MYCBP2: variants seen among roughly 807,000 people sequenced by gnomAD.
MYCBP2 encodes MYC binding protein 2.
MYCBP2 carries 120 observed loss-of-function variants against 525.3 expected under a neutral mutation model. The ratio of observed to expected loss-of-function variants is 0.23; its 90% CI spans 0.20 to 0.27. MYCBP2 has a LOEUF of 0.27. MYCBP2 is among the 10% of genes least tolerant of loss of function. The pLI is 1.00. For missense variants in MYCBP2, 4,149 were observed against 5,657.1 expected (o/e 0.73, Z 8.55); for synonymous variants, 1,894 against 1,955.8 (o/e 0.97, Z 0.83).
intron 49 of MYCBP2, 50 bp downstream of exon 49, chr13:77,144,395 G>T: frequency 1.6e-6 from 2 of 1,259,926 alleles, no homozygotes; most frequent in Admixed American, 1.8e-5. Context: ...AAATAATTTT[G>T]ACTCTAGTTA....
At chr13:77,117,308 A>G (rs1222803243) in intron 55 of MYCBP2, among the ~76,000 whole-genome samples, 1 of 152,054 alleles carries the variant, frequency 6.6e-6, no homozygotes, top group African/African-American at 2.4e-5. Flanking sequence ...GATAGTACTT[A>G]TATTTCCAAA....
chr13:77,242,917 TTA>T, intron 17 of MYCBP2, 140 bp downstream of exon 17: 1 of 655,684 alleles, frequency 1.5e-6, no homozygotes, highest in South Asian at 2.0e-5. Context: ...TATTTTCCCA[TTA>T]TATGAGTTAT....
intron 46 of MYCBP2, among the ~76,000 whole-genome samples, chr13:77,152,219 T>C (rs895021142): frequency 1.2e-4 from 18 of 152,202 alleles, no homozygotes; most frequent in Non-Finnish European, 2.5e-4. Flanking sequence ...ACCACTATCT[T>C]CAGGTGAGGT....
At chr13:77,099,234 G>A (rs750680912) in intron 55 of MYCBP2, 9 of 597,028 alleles carry the variant, frequency 1.5e-5, no homozygotes, top group South Asian at 4.4e-5. Flanking sequence ...TTTCATGGAC[G>A]CAAAACAACA....
intron 28 of MYCBP2, 133 bp downstream of exon 28, chr13:77,191,546 A>G (rs998565656): frequency 3.8e-5 from 40 of 1,049,430 alleles, no homozygotes; most frequent in Non-Finnish European, 5.2e-5. Context: ...ACATGAATTT[A>G]ATTTTTAGCA....
chr13:77,057,078 T>G lies in MYCBP2; in HGVS notation c.13345A>C (p.Ile4449Leu), dbSNP rs781477677. The G allele has an allele frequency of 1.1e-5, 17 of 1,612,786 alleles. No homozygotes were observed. In the South Asian group the frequency reaches 1.2e-4, roughly 11 times the overall value. Reference protein sequence around the residue: ...APAIQLDCSHIFHLQCCRRVL... With the variant: ...APAIQLDCSHLFHLQCCRRVL... ...CGCCGACAGCACTGTAAGTGGAATA[T>G]GTGACTACAATCCAGCTTAAATAAA... The change falls in exon 79 of 83, where the codon ATA becomes CTA. Residue 4449 changes from isoleucine (I) to leucine (L), a missense_variant. Ile to Leu is a conservative substitution (Grantham distance 5, BLOSUM62 2). Around this residue, in one of 21 missense-constraint regions of MYCBP2, gnomAD observed 220 missense variants for 396.0 expected, o/e 0.56. Transcript: ENST00000544440.
chr13:77,224,509 C>T lies in MYCBP2; in HGVS notation c.2881G>A (p.Val961Ile), dbSNP rs965980109. The T allele has an allele frequency of 1.2e-6, 2 of 1,608,006 alleles. No homozygotes were observed. Among genetic ancestry groups the T allele is most frequent in the African/African-American group, 1.3e-5 (1 of 74,938 alleles). ...TGCTGCCCATAACCAAATGTATAGA[C>T]ATCTCCATTTTCCATTAAAACCACT... ...HSVVLMENGDVYTFGYGQHGQ... is the reference protein window; with the variant it reads ...HSVVLMENGDIYTFGYGQHGQ... Residue 961 changes from valine (V) to isoleucine (I), a missense_variant, in exon 20 of 83, where the codon GTC becomes ATC. By Grantham distance (29) the Val-to-Ile change is conservative. Around this residue, in one of 21 missense-constraint regions of MYCBP2, gnomAD observed 620 missense variants for 795.5 expected, o/e 0.78. Coordinates refer to ENST00000544440, the MANE Select transcript of MYCBP2 (RefSeq NM_015057.5).
chr13:77,070,548 TAAC>T, intron 69 of MYCBP2, 80 bp downstream of exon 69: 2 of 1,016,234 alleles, frequency 2.0e-6, no homozygotes, highest in Non-Finnish European at 3.0e-6. Context: ...TATACCCTAA[TAAC>T]AAACAAACAG....
At chr13:77,292,031 TGTACCTGA>T (rs2154362308) in intron 2 of MYCBP2, among the ~76,000 whole-genome samples, 1 of 152,358 alleles carries the variant, frequency 6.6e-6, no homozygotes, top group South Asian at 2.1e-4. Flanking sequence ...CTTTACAATG[TGTACCTGA>T]GTTTCACTTA....
intron 55 of MYCBP2, among the ~76,000 whole-genome samples, chr13:77,114,785 T>C (rs1219048241): frequency 2.0e-5 from 3 of 152,016 alleles, no homozygotes; most frequent in Non-Finnish European, 4.4e-5. Flanking sequence ...AAAAAAAGTA[T>C]TAAAAAGTTT....
At chr13:77,147,670 G>C (rs753992403) in intron 47 of MYCBP2, among the ~76,000 whole-genome samples, 6 of 152,046 alleles carry the variant, frequency 3.9e-5, no homozygotes, top group Non-Finnish European at 8.8e-5. Flanking sequence ...TGAGTCTTTA[G>C]CCATACAAAG....
Position 77,185,170 on chromosome 13 carries a change from T to A in MYCBP2, c.4652A>T (p.His1551Leu). Residue 1551 changes from histidine to leucine, a missense_variant, in exon 32 of 83, where the codon CAT becomes CTT. His to Leu is a moderately conservative substitution (Grantham distance 99). This residue lies in a region of MYCBP2 where 292 missense variants were observed against 330.5 expected (regional missense o/e 0.88). Transcript: ENST00000544440. ...TAAGGCAGGAGTTGGGTAGAAAGAA[T>A]GAAAGCAGGCAGTGAAAGTATTATG... Reference protein sequence around the residue: ...ECHNTFTACFHSFYPTPALQW... With the variant: ...ECHNTFTACFLSFYPTPALQW... The A allele has an allele frequency of 1.9e-6, 3 of 1,614,086 alleles. No individual in the cohort carries two copies. The highest frequency in any genetic ancestry group is 2.5e-6 in the Non-Finnish European group (3 of 1,179,998).
chr13:77,071,542 T>C (rs1372161792), intron 68 of MYCBP2, among the ~76,000 whole-genome samples: 4 of 152,160 alleles, frequency 2.6e-5, no homozygotes, highest in African/African-American at 7.2e-5. Flanking sequence ...CATTAGAATG[T>C]TGAGATCAGC....
At chr13:77,245,723 A>G (rs967320501) in intron 15 of MYCBP2, among the ~76,000 whole-genome samples, 4 of 146,794 alleles carry the variant, frequency 2.7e-5, no homozygotes, top group African/African-American at 1.0e-4. Flanking sequence ...CGTTCTGCAC[A>G]TGTATCCCAG....
At chr13:77,052,093 G>C (rs189052101) in intron 80 of MYCBP2, among the ~76,000 whole-genome samples, 175 bp from the exon 81 acceptor site, 5 of 152,122 alleles carry the variant, frequency 3.3e-5, no homozygotes, top group African/African-American at 1.2e-4. Flanking sequence ...TGTATGTAGG[G>C]TGGATCAGGG....
intron 26 of MYCBP2, among the ~76,000 whole-genome samples, chr13:77,197,254 A>G (rs1375577245): frequency 1.3e-5 from 2 of 152,206 alleles, no homozygotes; most frequent in African/African-American, 2.4e-5. Flanking sequence ...CAGAAAGTAT[A>G]GAAAGAATAT....
intron 17 of MYCBP2, 132 bp downstream of exon 17, chr13:77,242,927 T>A (rs2069133108): frequency 1.4e-6 from 1 of 698,536 alleles, no homozygotes; most frequent in Admixed American, 2.6e-5. Flanking sequence ...TTATATGAGT[T>A]ATCAGAATAT....
chr13:77,290,232 G>C (rs2077328410), intron 2 of MYCBP2, among the ~76,000 whole-genome samples: 1 of 152,160 alleles, frequency 6.6e-6, no homozygotes, highest in South Asian at 2.1e-4. Flanking sequence ...AATGCTGGTG[G>C]GGATGAGGAG....
At chr13:77,114,698 C>T (rs1283795382) in intron 55 of MYCBP2, among the ~76,000 whole-genome samples, 1 of 152,004 alleles carries the variant, frequency 6.6e-6, no homozygotes, top group East Asian at 1.9e-4. Flanking sequence ...TGACATATAT[C>T]ATATATTTCA....
Sources: allele counts gnomAD v4.1 joint callset (sites outside exome capture counted in the v4.1 genomes callset), GRCh38; gene constraint gnomAD v4.1.1; regional missense constraint gnomAD v4.1.1; transcripts MANE v1.5; gene names NCBI Gene and HGNC (gene_info 2026-07-23, HGNC 2026-07-21).